The following ZNF385C variants were observed in gnomAD, a reference collection of about 807,000 sequenced individuals.
ZNF385C encodes CTD-2132N18.2.
ZNF385C carries 28 observed loss-of-function variants against 35.4 expected under a neutral mutation model. The observed-to-expected ratio is 0.79, with a 90% confidence interval of 0.59 to 1.08. The LOEUF is 1.08. ZNF385C is among the 50% of genes least tolerant of loss of function. The pLI, the probability that ZNF385C is intolerant of heterozygous loss-of-function variation, is 0.00. For synonymous variants in ZNF385C, 248 were observed against 248.2 expected, an observed-to-expected ratio of 1.00 and a Z score of 0.01; for missense variants, 605 against 595.6, an observed-to-expected ratio of 1.02 and a Z score of -0.16.
intron 1 of ZNF385C, among the ~76,000 whole-genome samples, chr17:42,064,053 C>T (rs2143857204): frequency 6.7e-6 from 1 of 149,398 alleles, no homozygotes; most frequent in African/African-American, 2.5e-5. Context: ...GCCCTGTCCC[C>T]CAACGCGCGC....
chr17:42,039,542 TG>T (rs10712120), intron 2 of ZNF385C: 514,582 of 514,886 alleles, frequency 1, 257,139 homozygotes, highest in Admixed American at 1. Flanking sequence ...GCCCACAGGG[TG>T]GGGGGGGTTG....
chr17:42,039,398 C>T (rs558955058), intron 2 of ZNF385C: 97 of 296,120 alleles, frequency 3.3e-4, no homozygotes, highest in South Asian at 2.9e-3. Flanking sequence ...AAACTTGCCC[C>T]GAGTCCAGAA....
rs1185647342 is a variant in ZNF385C at position 42,031,807 on chromosome 17, T to TC, written c.511-24dup. The TC allele has an allele frequency of 3.1e-5, 48 of 1,548,452 alleles. No homozygotes were observed. In the Admixed American group the frequency reaches 4.9e-4, roughly 16 times the overall value. On this transcript the variant is annotated intron_variant, in intron 4 of 8. Coordinates refer to ENST00000692273, the MANE Select transcript of ZNF385C (RefSeq NM_001392013.1). ...GTTCTGGGGAGGGGAGGGCAAGAGG[T>TC]CACCATTCACTGGCTGAGTCCACAT...
intron 2 of ZNF385C, among the ~76,000 whole-genome samples, chr17:42,056,976 T>A (rs531241286): frequency 6.6e-6 from 1 of 151,812 alleles, no homozygotes; most frequent in African/African-American, 2.4e-5. Context: ...TTTTTAAAAA[T>A]AAAAAAAAAT....
intron 2 of ZNF385C, among the ~76,000 whole-genome samples, chr17:42,055,638 C>T (rs1249612344): frequency 3.9e-5 from 6 of 152,180 alleles, no homozygotes; most frequent in Non-Finnish European, 7.3e-5. Context: ...GAGAAAACGG[C>T]AACCCAGGGA....
At chr17:42,068,002 G>T (rs1161708316) in intron 1 of ZNF385C, among the ~76,000 whole-genome samples, 4 of 152,184 alleles carry the variant, frequency 2.6e-5, no homozygotes, top group Non-Finnish European at 5.9e-5. Flanking sequence ...TATAGCCTCT[G>T]GGCTCACGGG....
At chr17:42,041,183 T>C (rs963657354) in intron 2 of ZNF385C, 2 of 1,232,450 alleles carry the variant, frequency 1.6e-6, no homozygotes, top group Non-Finnish European at 2.0e-6. Flanking sequence ...ACACTGGCAA[T>C]GGCCACCTGG....
intron 1 of ZNF385C, among the ~76,000 whole-genome samples, chr17:42,071,762 C>T (rs1043212949): frequency 1.4e-5 from 2 of 145,824 alleles, no homozygotes; most frequent in East Asian, 1.9e-4. Context: ...TGGCACAGCC[C>T]GGGTTTATCT....
In ZNF385C at chr17:42,026,857, A is replaced by G; in HGVS notation, c.*40T>C. 1 of 1,539,980 alleles carries G rather than the reference A, an allele frequency of 6.5e-7. No individual in the cohort carries two copies. Among genetic ancestry groups the G allele is most frequent in the Non-Finnish European group, 8.8e-7 (1 of 1,133,370 alleles). On this transcript the variant is annotated 3_prime_UTR_variant, in exon 9 of 9. Coordinates refer to ENST00000692273, the MANE Select transcript of ZNF385C (RefSeq NM_001392013.1). ...TGTCTCAGGACAGGAGGAGACAAGG[A>G]GTGGCTATTGGGAAATCAGCTCTGG...
intron 2 of ZNF385C, chr17:42,040,324 G>A (rs1555655997): frequency 4.8e-5 from 59 of 1,231,704 alleles, no homozygotes; most frequent in Non-Finnish European, 6.0e-5. Context: ...GCCGCGGTAG[G>A]TGCAGCGTCC....
chr17:42,054,603 G>A (rs2053343190), intron 2 of ZNF385C, among the ~76,000 whole-genome samples: 1 of 141,732 alleles, frequency 7.1e-6, no homozygotes, highest in Admixed American at 7.3e-5. Flanking sequence ...TTTTTCTGAA[G>A]CAGTGTTTCG....
At chr17:42,047,680 G>A (rs1174700271) in intron 2 of ZNF385C, among the ~76,000 whole-genome samples, 1 of 151,672 alleles carries the variant, frequency 6.6e-6, no homozygotes, top group Non-Finnish European at 1.5e-5. Flanking sequence ...TCGAGACAGA[G>A]TCTTGCTCTG....
chr17:42,085,094 C>T (rs571153993), intron 1 of ZNF385C, among the ~76,000 whole-genome samples: 4 of 152,188 alleles, frequency 2.6e-5, no homozygotes, highest in African/African-American at 9.6e-5. Flanking sequence ...GCCAGGAGTT[C>T]GAGACCAGCC....
At chr17:42,071,573 T>C (rs1260370718) in intron 1 of ZNF385C, among the ~76,000 whole-genome samples, 1 of 152,166 alleles carries the variant, frequency 6.6e-6, no homozygotes, top group East Asian at 1.9e-4. Context: ...GCAGGGTCCA[T>C]AGTGGCAACA....
chr17:42,065,968 C>T (rs528389375), intron 1 of ZNF385C, among the ~76,000 whole-genome samples: 1 of 152,146 alleles, frequency 6.6e-6, no homozygotes, highest in South Asian at 2.1e-4. Context: ...AAGTCATACA[C>T]ACATTGTGGG....
intron 1 of ZNF385C, among the ~76,000 whole-genome samples, chr17:42,081,172 G>T (rs1236200627): frequency 6.6e-6 from 1 of 152,160 alleles, no homozygotes; most frequent in Non-Finnish European, 1.5e-5. Context: ...CTGGGTTAGG[G>T]GAAGAAGGAT....
intron 2 of ZNF385C, chr17:42,038,086 G>T: frequency 1.3e-6 from 2 of 1,534,540 alleles, no homozygotes; most frequent in South Asian, 2.4e-5. Flanking sequence ...GCAGAGGCAG[G>T]GAGTCCACAG....
chr17:42,057,694 C>A (rs1055035590), intron 2 of ZNF385C, among the ~76,000 whole-genome samples: 1 of 152,006 alleles, frequency 6.6e-6, no homozygotes, highest in Non-Finnish European at 1.5e-5. Context: ...CCTATAATCC[C>A]AGCACTTTGG....
In ZNF385C at chr17:42,062,888, G is replaced by C; in HGVS notation, c.169C>G (p.Gln57Glu). The C allele has an allele frequency of 1.5e-6, 1 of 678,046 alleles. No individual in the cohort carries two copies. The highest frequency in any genetic ancestry group is 1.6e-5 in the South Asian group (1 of 63,788). 42.0% of individuals were successfully genotyped at this position (678,046 alleles called of 1,614,324 possible). The change falls in exon 2 of 9, where the codon CAG (glutamine) becomes GAG (glutamate). Residue 57 changes from glutamine to glutamate, a missense_variant. Transcript: ENST00000692273. Reference sequence around the variant, plus strand: ...CGCCCCCCACAGTGCACCTGGGCCTGGGCCGCCGAGTTCAGCTGGATGTTG... The same window carrying C: ...CGCCCCCCACAGTGCACCTGGGCCTCGGCCGCCGAGTTCAGCTGGATGTTG... ...VCNIQLNSAA[Q>E]AQVHCGGRAH...
Sources: gnomAD v4.1 joint callset for allele counts (sites outside exome capture counted in the v4.1 genomes callset) on GRCh38, gnomAD v4.1.1 for gene constraint, MANE v1.5 for transcripts, NCBI Gene and HGNC (gene_info 2026-07-23, HGNC 2026-07-21) for gene names.